The following PCDHA8 variants were observed in gnomAD, a reference collection of about 807,000 sequenced individuals.
PCDHA8 encodes the protein protocadherin alpha 8, also known as protocadherin alpha-8.
PCDHA8 carries 53 observed loss-of-function variants against 61.8 expected under a neutral mutation model. The ratio of observed to expected loss-of-function variants is 0.86; its 90% confidence interval spans 0.69 to 1.08. PCDHA8 has a LOEUF of 1.08. Among genes scored for constraint, PCDHA8 ranks in the 50% least tolerant of loss-of-function variants. PCDHA8 has a pLI of 0.00. For missense variants in PCDHA8, 1,293 were observed against 1,245.0 expected (o/e 1.04, Z -0.58); for synonymous variants, 618 against 556.6 (o/e 1.11, Z -1.55).
intron 1 of PCDHA8, chr5:140,877,758 G>T (rs782480713): frequency 6.2e-7 from 1 of 1,614,190 alleles, no homozygotes; most frequent in East Asian, 2.2e-5. Flanking sequence ...GCTCTGCAGA[G>T]AGCCCGCCCA....
intron 1 of PCDHA8, chr5:140,877,791 C>T: frequency 6.2e-7 from 1 of 1,614,022 alleles, no homozygotes. Flanking sequence ...TGGCCTTCAG[C>T]CCAAGCCTTC....
intron 1 of PCDHA8, chr5:140,860,465 T>C (rs12657479): frequency 6.6e-6 from 1 of 152,098 alleles, no homozygotes; most frequent in Admixed American, 6.5e-5. Flanking sequence ...GATAATACAG[T>C]TGGTGCAGTA....
chr5:140,843,171 G>A lies in PCDHA8; in HGVS notation c.1850G>A (p.Ser617Asn). ...LSYELQPAASSPRIPFRVGLY... is the reference protein window; with the variant it reads ...LSYELQPAASNPRIPFRVGLY... ...TATGAGCTGCAGCCAGCTGCAAGCA[G>A]CCCTCGCATCCCGTTCCGCGTGGGG... Residue 617 changes from serine to asparagine, a missense_variant, in exon 1 of 4, where the codon AGC (serine) becomes AAC (asparagine). Physicochemically the swap from Ser to Asn is conservative, Grantham distance 46. Transcript: ENST00000531613. The A allele has an allele frequency of 6.3e-7, 1 of 1,596,072 alleles. No homozygotes were observed. The highest frequency in any genetic ancestry group is 8.6e-7 in the Non-Finnish European group (1 of 1,165,598).
Position 141,009,767 on chromosome 5 carries a change from G to T in PCDHA8, c.2683G>T (p.Ala895Ser). ...PDKFIIPGSP[A>S]IISIRQEPTN... is the part of the protein sequence containing the mutation. Reference sequence around the variant, plus strand: ...CAAATTCATTATCCCAGGATCTCCTGCAATCATCTCCATCCGGCAGGAGCC... The same window carrying T: ...CAAATTCATTATCCCAGGATCTCCTTCAATCATCTCCATCCGGCAGGAGCC... The change falls in exon 4 of 4, where the codon GCA becomes TCA. Residue 895 changes from alanine to serine, a missense_variant. Coordinates refer to ENST00000531613, the MANE Select transcript of PCDHA8 (RefSeq NM_018911.3). 1 of 1,614,108 alleles carries T rather than the reference G, an allele frequency of 6.2e-7. No individual in the cohort carries two copies. Among genetic ancestry groups the T allele is most frequent in the South Asian group, 1.1e-5 (1 of 91,072 alleles).
Position 140,843,066 on chromosome 5 carries a change from C to T in PCDHA8, c.1745C>T (p.Pro582Leu), listed in dbSNP as rs2150351563. 4 of 1,595,216 alleles carry T rather than the reference C, an allele frequency of 2.5e-6. No individual in the cohort carries two copies. The highest frequency in any genetic ancestry group is 3.4e-6 in the Non-Finnish European group (4 of 1,165,258). The change falls in exon 1 of 4, where the codon CCG becomes CTG. Residue 582 changes from proline to leucine, a missense_variant. Coordinates refer to ENST00000531613, the MANE Select transcript of PCDHA8 (RefSeq NM_018911.3). ...GGTGGCGCAGCGAGCAAGCTGGTGCCGCGGTCTGTGGGCGCGGGCCACGTG... is the reference window on the plus strand; with the variant it reads ...GGTGGCGCAGCGAGCAAGCTGGTGCTGCGGTCTGTGGGCGCGGGCCACGTG... The part of the protein sequence containing the change: ...GTGGAASKLV[P>L]RSVGAGHVVA...
At chr5:140,991,595 C>G (rs181014489) in intron 3 of PCDHA8, among the ~76,000 whole-genome samples, 1 of 152,328 alleles carries the variant, frequency 6.6e-6, no homozygotes, top group African/African-American at 2.4e-5. Flanking sequence ...TACCTGAGCC[C>G]TCACTGGCAG....
intron 1 of PCDHA8, chr5:140,871,112 A>C (rs1554165130): frequency 1.2e-6 from 2 of 1,613,172 alleles, no homozygotes; most frequent in Non-Finnish European, 1.7e-6. Context: ...TCGTTGGTGG[A>C]GAGCGGACAG....
At chr5:140,934,563 T>A (rs1017456946) in intron 1 of PCDHA8, among the ~76,000 whole-genome samples, 1 of 152,212 alleles carries the variant, frequency 6.6e-6, no homozygotes, top group African/African-American at 2.4e-5. Flanking sequence ...TTCTTTTTTT[T>A]AATTAATTGT....
chr5:140,871,452 G>C, intron 1 of PCDHA8: 1 of 1,608,608 alleles, frequency 6.2e-7, no homozygotes, highest in Non-Finnish European at 8.5e-7. Context: ...ATAAAGAGGA[G>C]GAAGGGGAAA....
chr5:140,851,858 A>T, intron 1 of PCDHA8: 3 of 973,970 alleles, frequency 3.1e-6, no homozygotes, highest in Non-Finnish European at 3.7e-6. Flanking sequence ...CTCTCAGCTC[A>T]TACATAACAC....
chr5:140,908,816 G>T (rs1606122), intron 1 of PCDHA8, among the ~76,000 whole-genome samples: 42,837 of 152,040 alleles, frequency 0.28, 6,902 homozygotes, highest in East Asian at 0.53. Flanking sequence ...AGAGCCTTTT[G>T]GGTTACTCGA....
At chr5:140,882,584 C>G (rs1554174685) in intron 1 of PCDHA8, 5 of 1,614,238 alleles carry the variant, frequency 3.1e-6, no homozygotes, top group South Asian at 1.1e-5. Flanking sequence ...CAGCATCCAC[C>G]TGGAGGTGAT....
chr5:140,919,286 G>A (rs1225686980), intron 1 of PCDHA8, among the ~76,000 whole-genome samples: 9 of 152,096 alleles, frequency 5.9e-5, no homozygotes, highest in Admixed American at 5.9e-4. Flanking sequence ...GCTATCTTGT[G>A]GTTGCTGTTT....
At chr5:140,849,357 G>A in intron 1 of PCDHA8, 1 of 1,458,086 alleles carries the variant, frequency 6.9e-7, no homozygotes, top group Non-Finnish European at 9.4e-7. Flanking sequence ...TGTTTCTCCA[G>A]ATATAAAATC....
chr5:140,963,216 T>C (rs868943222), intron 1 of PCDHA8, among the ~76,000 whole-genome samples: 24 of 152,176 alleles, frequency 1.6e-4, no homozygotes, highest in Admixed American at 1.2e-3. Context: ...ACCTCGTGTT[T>C]AGAGTAGACA....
At chr5:140,891,410 A>G (rs1381375342) in intron 1 of PCDHA8, among the ~76,000 whole-genome samples, 1 of 130,438 alleles carries the variant, frequency 7.7e-6, no homozygotes, top group East Asian at 2.5e-4. Context: ...GCCACCCCCC[A>G]CTCTTGCCCC....
intron 1 of PCDHA8, chr5:140,882,627 A>G: frequency 6.2e-7 from 1 of 1,614,136 alleles, no homozygotes; most frequent in Non-Finnish European, 8.5e-7. Flanking sequence ...TTCCATGTGG[A>G]GGTGAAGGTG....
chr5:140,876,964 C>G, intron 1 of PCDHA8: 2 of 1,613,060 alleles, frequency 1.2e-6, no homozygotes, highest in Non-Finnish European at 1.7e-6. Context: ...GGTGGAGCGG[C>G]GGGTGGGCGA....
chr5:140,987,850 A>G lies in PCDHA8; in HGVS notation c.2542+5287A>G, dbSNP rs115051779. Among the ~76,000 whole-genome samples, 1,266 of 152,242 alleles carry G rather than the reference A, an allele frequency of 8.3e-3. 21 individuals are homozygous for G. Among genetic ancestry groups the G allele is most frequent in the African/African-American group, 0.028 (1,145 of 41,532 alleles). On this transcript the variant is annotated intron_variant, in intron 3 of 3. Coordinates refer to ENST00000531613, the MANE Select transcript of PCDHA8 (RefSeq NM_018911.3). ...GGGATTGCTTTTGCCCTGATTTGCCACATCTCTTTACTCTGTGGAAAATGG... is the reference window on the plus strand; with the variant it reads ...GGGATTGCTTTTGCCCTGATTTGCCGCATCTCTTTACTCTGTGGAAAATGG...
Sources: gnomAD v4.1 joint callset for allele counts (sites outside exome capture counted in the v4.1 genomes callset) on GRCh38, gnomAD v4.1.1 for gene constraint, MANE v1.5 for transcripts, NCBI Gene and HGNC (gene_info 2026-07-23, HGNC 2026-07-21) for gene names.